The following ATP6AP2 variants were observed in gnomAD, a reference collection of about 807,000 sequenced individuals.
ATP6AP2 encodes ATPase H+ transporting accessory protein 2, also known as renin receptor.
Under a neutral mutation model 23.4 loss-of-function variants are expected in ATP6AP2, and 1 was observed. The ratio of observed to expected loss-of-function variants is 0.04; its 90% CI spans 0.02 to 0.20. ATP6AP2 has a LOEUF of 0.20. Among genes scored for constraint, ATP6AP2 ranks in the 10% least tolerant of loss-of-function variants. The probability of loss-of-function intolerance (pLI) is 1.00; values close to 1 mark genes in which losing one functional copy is unlikely to be tolerated. For synonymous variants in ATP6AP2, 90 were observed against 97.1 expected (o/e 0.93, Z 0.43); for missense variants, 174 against 271.3 (o/e 0.64, Z 2.52).
chrX:40,604,364 C>G (rs1041147007), intron 8 of ATP6AP2, among the ~76,000 whole-genome samples: 1 of 111,101 alleles, frequency 9.0e-6, no homozygotes, highest in Admixed American at 9.6e-5. Context: ...AGGAAACTTA[C>G]AATCATGGAG....
rs1926862260 is a variant in ATP6AP2, at chrX:40,599,825, CTG to C, written c.738+86_738+87del. On this transcript the variant is annotated intron_variant, in intron 7 of 8. Transcript: ENST00000636580. ...ATAGAAAAATCTGCTGTTTCAAACA[CTG>C]TTGATTGAACTCTTATTTGCCTTCT... The C allele has an allele frequency of 6.3e-6, 7 of 1,109,200 alleles. No homozygotes were observed. In the South Asian group the frequency reaches 1.3e-4, roughly 21 times the overall value. The allele number at this position is 1,109,200 out of a possible 1,213,427, so 91.4% of individuals were successfully genotyped here. A position where few individuals can be genotyped will look rare whatever the true frequency, so the allele number is the denominator to read the frequency against.
intron 1 of ATP6AP2, among the ~76,000 whole-genome samples, chrX:40,582,153 C>T (rs936350629): frequency 1.8e-5 from 2 of 111,675 alleles, no homozygotes; most frequent in African/African-American, 3.3e-5. Flanking sequence ...GGAGGCCGGG[C>T]GCGGTGGTTC....
At chrX:40,602,264 A>T (rs1926934049) in intron 8 of ATP6AP2, among the ~76,000 whole-genome samples, 1 of 100,673 alleles carries the variant, frequency 9.9e-6, no homozygotes, top group Non-Finnish European at 1.9e-5. Context: ...CCTGGGAGAC[A>T]CAGCAAGACT....
At chrX:40,602,089 C>T (rs1205028678) in intron 8 of ATP6AP2, among the ~76,000 whole-genome samples, 2 of 88,557 alleles carry the variant, frequency 2.3e-5, no homozygotes, top group African/African-American at 1.5e-4. Flanking sequence ...CTAGACCAGC[C>T]TGGGCAACAT....
At position 40,590,951 on chromosome X, in the gene ATP6AP2, A is replaced by G. The variant is rs193090941; in HGVS notation, c.169-283A>G. The G allele has an allele frequency of 4.2e-5, 12 of 285,071 alleles. No individual in the cohort carries two copies. The Admixed American group carries it at 6.2e-4, about 15-fold the overall frequency. 23.5% of individuals were successfully genotyped at this position (285,071 alleles called of 1,213,427 possible). ...GTGATCTGAAATTTGAAAGGTACCT[A>G]TGTTTTGTTTACTTGCTTGCTTTTT... is the stretch of plus-strand genomic sequence containing the variant. On this transcript the variant is annotated intron_variant, in intron 2 of 8. Transcript: ENST00000636580.
intron 7 of ATP6AP2, chrX:40,600,121 A>G (rs141769314): frequency 0.011 from 2,584 of 230,014 alleles, 16 homozygotes; most frequent in Middle Eastern, 0.032. Flanking sequence ...TTCTTCCCCA[A>G]CTGAAACTCT....
intron 3 of ATP6AP2, among the ~76,000 whole-genome samples, chrX:40,594,502 A>G (rs1226929604): frequency 8.9e-6 from 1 of 112,907 alleles, no homozygotes; most frequent in East Asian, 2.8e-4. Context: ...ATGCTGATCA[A>G]GTGAAAATTT....
chrX:40,592,154 C>A (rs1260718932), intron 3 of ATP6AP2: 1 of 112,535 alleles, frequency 8.9e-6, no homozygotes, highest in African/African-American at 3.2e-5. Context: ...CAGAGTGGTT[C>A]TTTGCAAATT....
At chrX:40,594,022 T>G (rs1926715545) in intron 3 of ATP6AP2, among the ~76,000 whole-genome samples, 1 of 111,658 alleles carries the variant, frequency 9.0e-6, no homozygotes, top group African/African-American at 3.3e-5. Flanking sequence ...GTGACTATAT[T>G]AAATAATAAT....
intron 1 of ATP6AP2, among the ~76,000 whole-genome samples, chrX:40,585,926 C>G (rs1311118050): frequency 9.0e-6 from 1 of 111,658 alleles, no homozygotes; most frequent in Non-Finnish European, 1.9e-5. Flanking sequence ...AGTATAGAAG[C>G]AAACGGTGGT....
intron 2 of ATP6AP2, 177 bp downstream of exon 2, chrX:40,589,293 G>A (rs1167834201): frequency 1.9e-6 from 1 of 530,064 alleles, no homozygotes; most frequent in Non-Finnish European, 2.9e-6. Flanking sequence ...GGCACTCTGG[G>A]AGGCCGAGGT....
chrX:40,597,240 A>T lies in ATP6AP2; in HGVS notation c.301-9A>T. 1 of 1,170,813 alleles carries T rather than the reference A, an allele frequency of 8.5e-7. No homozygotes were observed. Among genetic ancestry groups the T allele is most frequent in the Non-Finnish European group, 1.2e-6 (1 of 858,246 alleles). On this transcript the variant is annotated splice_polypyrimidine_tract_variant and intron_variant, in intron 3 of 8. Transcript: ENST00000636580. ...ACATAATAATTGCGTTCTTACTCTT[A>T]AATTTCAGGCAGTTCCTTTTAGTCT...
At chrX:40,598,470 C>T in intron 5 of ATP6AP2, 1 of 430,060 alleles carries the variant, frequency 2.3e-6, no homozygotes, top group East Asian at 3.9e-5. Context: ...GTGGCAGTCA[C>T]TGTGCTAGGG....
chrX:40,605,515 T>G, intron 8 of ATP6AP2, 46 bp from the exon 9 acceptor site: 1 of 1,066,105 alleles, frequency 9.4e-7, no homozygotes. Flanking sequence ...AATTTCCTAT[T>G]TTAAAATTCT....
chrX:40,589,454 T>A (rs1035499577), intron 2 of ATP6AP2: 2 of 197,444 alleles, frequency 1.0e-5, no homozygotes, highest in African/African-American at 6.0e-5. Flanking sequence ...CTGAAACAAA[T>A]CATTAGAAAT....
intron 6 of ATP6AP2, 46 bp from the exon 7 acceptor site, chrX:40,599,546 A>G (rs761933466): frequency 3.3e-6 from 4 of 1,203,283 alleles, no homozygotes; most frequent in Middle Eastern, 2.7e-4. Context: ...GACGTCTTTC[A>G]TCTTACTTTA....
intron 8 of ATP6AP2, among the ~76,000 whole-genome samples, chrX:40,601,297 G>A: frequency 9.1e-6 from 1 of 110,024 alleles, no homozygotes; most frequent in East Asian, 2.8e-4. Flanking sequence ...GCAAGACCCT[G>A]TTTTGAAAAC....
rs183805501 is a variant in ATP6AP2, at chrX:40,595,563, G to C, written c.301-1686G>C. On this transcript the variant is annotated intron_variant, in intron 3 of 8. Transcript: ENST00000636580. Reference sequence around the variant, plus strand: ...ATTCATGAGCTGCTTCAATTTGATCGCTATGGACATGGTTCCTAATCTTCA... The same window carrying C: ...ATTCATGAGCTGCTTCAATTTGATCCCTATGGACATGGTTCCTAATCTTCA... Among the ~76,000 whole-genome samples, 27 of 111,919 alleles carry C rather than the reference G, an allele frequency of 2.4e-4. 1 individual carries two copies. The highest frequency in any genetic ancestry group is 2.4e-3 in the Admixed American group (25 of 10,530).
intron 8 of ATP6AP2, 114 bp from the exon 9 acceptor site, chrX:40,605,447 A>AT (rs1914915310): frequency 4.4e-6 from 3 of 689,074 alleles, no homozygotes; most frequent in Admixed American, 5.3e-5. Flanking sequence ...AGTAGCTGTT[A>AT]TGCCACTTAT....
Sources: allele counts gnomAD v4.1 joint callset (sites outside exome capture counted in the v4.1 genomes callset), GRCh38; gene constraint gnomAD v4.1.1; transcripts MANE v1.5; gene names NCBI Gene and HGNC (gene_info 2026-07-23, HGNC 2026-07-21).